Variants in ROBO1 observed in about 807,000 individuals in gnomAD.
ROBO1 encodes roundabout guidance receptor 1.
A neutral mutation model predicts 195.9 loss-of-function variants in ROBO1; 149 were observed. The observed-to-expected ratio is 0.76, with a 90% CI of 0.67 to 0.87. The LOEUF is 0.87. Ranked by LOEUF, ROBO1 falls within the 40% of genes least tolerant of loss-of-function variation. The probability of loss-of-function intolerance (pLI) is 0.00; values close to 1 mark genes in which losing one functional copy is unlikely to be tolerated. For synonymous variants in ROBO1, 816 were observed against 733.2 expected, an observed-to-expected ratio of 1.11 and a Z score of -1.82; for missense variants, 1,933 against 2,068.3, an observed-to-expected ratio of 0.93 and a Z score of 1.27.
chr3:79,001,975 A>G (rs933988242), intron 3 of ROBO1, among the ~76,000 whole-genome samples: 12 of 152,212 alleles, frequency 7.9e-5, no homozygotes, highest in African/African-American at 2.9e-4. Context: ...AATTTCATTC[A>G]ATCAACAAAC....
At chr3:78,706,521 T>G (rs2081556279) in intron 8 of ROBO1, among the ~76,000 whole-genome samples, 1 of 152,142 alleles carries the variant, frequency 6.6e-6, no homozygotes, top group East Asian at 1.9e-4. Flanking sequence ...AAACAATTTT[T>G]TTTTAACACT....
intron 2 of ROBO1, among the ~76,000 whole-genome samples, chr3:79,168,407 TA>T (rs2081108814): frequency 2.6e-5 from 4 of 152,098 alleles, no homozygotes; most frequent in African/African-American, 9.7e-5. Context: ...AATTCAAAGC[TA>T]AAGTTGGCAG....
intron 2 of ROBO1, among the ~76,000 whole-genome samples, chr3:79,459,782 C>T (rs1055330423): frequency 1.3e-5 from 2 of 151,926 alleles, no homozygotes; most frequent in Non-Finnish European, 2.9e-5. Context: ...CAATAAAAAG[C>T]ATTTTCACAA....
At chr3:78,773,910 T>C (rs2083440651) in intron 4 of ROBO1, among the ~76,000 whole-genome samples, 1 of 152,256 alleles carries the variant, frequency 6.6e-6, no homozygotes, top group Non-Finnish European at 1.5e-5. Flanking sequence ...GCCAATGTCT[T>C]GTTTATCTCT....
intron 3 of ROBO1, among the ~76,000 whole-genome samples, chr3:79,035,757 A>T (rs944005264): frequency 2.0e-5 from 3 of 152,068 alleles, no homozygotes; most frequent in Non-Finnish European, 4.4e-5. Flanking sequence ...TAATAAGAAA[A>T]AGATTACCAT....
chr3:78,818,475 TGCCACCATGGCATGATGCACACTTGG>T (rs1308152863), intron 4 of ROBO1, among the ~76,000 whole-genome samples: 2 of 152,216 alleles, frequency 1.3e-5, no homozygotes, highest in Non-Finnish European at 2.9e-5. Flanking sequence ...GGGGTCCTGC[TGCCACCATGGCATGATGCACACTTGG>T]GCTTGGACCC....
intron 26 of ROBO1, among the ~76,000 whole-genome samples, chr3:78,620,569 A>G (rs1704393863): frequency 1.3e-5 from 2 of 152,238 alleles, no homozygotes; most frequent in South Asian, 2.1e-4. Context: ...GAACTTTGAT[A>G]AATCTGTTCA....
chr3:79,599,641 C>CA (rs1385045790), intron 1 of ROBO1, among the ~76,000 whole-genome samples: 1 of 151,668 alleles, frequency 6.6e-6, no homozygotes, highest in Non-Finnish European at 1.5e-5. Flanking sequence ...GCAGTAAATG[C>CA]AAAAAAGCTC....
intron 2 of ROBO1, among the ~76,000 whole-genome samples, chr3:79,534,378 C>T (rs908819304): frequency 5.9e-5 from 9 of 151,676 alleles, no homozygotes; most frequent in East Asian, 3.9e-4. Context: ...GCATAGTTGT[C>T]GCTGTCTAGC....
At chr3:79,578,167 T>G (rs1378882339) in intron 2 of ROBO1, among the ~76,000 whole-genome samples, 1 of 152,086 alleles carries the variant, frequency 6.6e-6, no homozygotes, top group Non-Finnish European at 1.5e-5. Flanking sequence ...CAGAAAGATA[T>G]AGAGCAACAG....
At chr3:78,959,133 G>T (rs1295396649) in intron 3 of ROBO1, among the ~76,000 whole-genome samples, 1 of 152,078 alleles carries the variant, frequency 6.6e-6, no homozygotes, top group Non-Finnish European at 1.5e-5. Flanking sequence ...AAGTGGAACA[G>T]ACTGAAAGAG....
chr3:78,764,608 G>C (rs571561724), intron 4 of ROBO1, among the ~76,000 whole-genome samples: 47 of 152,234 alleles, frequency 3.1e-4, no homozygotes, highest in Non-Finnish European at 5.4e-4. Flanking sequence ...CCAACACTTA[G>C]AAGAGAACTA....
chr3:79,108,469 A>C (rs2079825731), intron 3 of ROBO1, among the ~76,000 whole-genome samples: 1 of 151,788 alleles, frequency 6.6e-6, no homozygotes, highest in South Asian at 2.1e-4. Flanking sequence ...TATTATATTA[A>C]AATATAATGT....
intron 4 of ROBO1, among the ~76,000 whole-genome samples, chr3:78,797,718 T>C (rs1489756858): frequency 6.6e-6 from 1 of 152,180 alleles, no homozygotes; most frequent in Non-Finnish European, 1.5e-5. Flanking sequence ...AATGCTTGAT[T>C]CTACACCAAA....
chr3:78,740,961 C>T (rs1020104893), intron 5 of ROBO1, among the ~76,000 whole-genome samples: 4 of 152,042 alleles, frequency 2.6e-5, no homozygotes, highest in Admixed American at 6.6e-5. Context: ...TACTACTTGT[C>T]AATTAGCAGA....
At chr3:78,605,174 A>AT in intron 29 of ROBO1, among the ~76,000 whole-genome samples, 1 of 152,268 alleles carries the variant, frequency 6.6e-6, no homozygotes, top group African/African-American at 2.4e-5. Flanking sequence ...CCACTGTGGT[A>AT]TTTTATATGC....
Position 78,717,264 on chromosome 3 carries a change from CT to C in ROBO1, c.917+10del, listed in dbSNP as rs768305545. 7.1e-6 allele frequency: 11 copies of C among 1,546,874 alleles called. No individual in the cohort carries two copies. In the East Asian group the frequency reaches 2.1e-4, roughly 29 times the overall value. On this transcript the variant is annotated intron_variant, in intron 7 of 30. Transcript: ENST00000464233. ...AGTTGACAAATCATATCATGAAACT[CT>C]GATGTGTACCTGGATTTGGGCAGCT...
chr3:79,663,381 C>A (rs1179433331), intron 1 of ROBO1, among the ~76,000 whole-genome samples: 1 of 152,050 alleles, frequency 6.6e-6, no homozygotes, highest in Admixed American at 6.6e-5. Context: ...TCAACATATA[C>A]CATTGTGCAC....
At chr3:79,370,505 A>G (rs1387144969) in intron 2 of ROBO1, among the ~76,000 whole-genome samples, 1 of 152,076 alleles carries the variant, frequency 6.6e-6, no homozygotes, top group African/African-American at 2.4e-5. Flanking sequence ...ATACAAACTC[A>G]GTAGGCTCAA....
Sources: gnomAD v4.1 joint callset for allele counts (sites outside exome capture counted in the v4.1 genomes callset) on GRCh38, gnomAD v4.1.1 for gene constraint, MANE v1.5 for transcripts, NCBI Gene and HGNC (gene_info 2026-07-23, HGNC 2026-07-21) for gene names.